Variants in NCOA6 observed in about 807,000 individuals in gnomAD.
The protein encoded by NCOA6 is NRC RAP250.
Under a neutral mutation model 171.4 loss-of-function variants are expected in NCOA6, and 49 were observed. The observed-to-expected ratio is 0.29, with a 90% CI of 0.23 to 0.36. NCOA6 has a LOEUF of 0.36. Ranked by LOEUF, NCOA6 falls within the 10% of genes least tolerant of loss-of-function variation. The probability of loss-of-function intolerance (pLI) is 1.00; values close to 1 mark genes in which losing one functional copy is unlikely to be tolerated. For missense variants in NCOA6, 2,248 were observed against 2,554.5 expected (o/e 0.88, Z 2.59); for synonymous variants, 910 against 927.5 (o/e 0.98, Z 0.34).
rs761459718 is a variant in NCOA6 at position 34,742,902 on chromosome 20, C to T, written c.3354G>A (p.Pro1118=). 5.0e-5 allele frequency: 81 copies of T among 1,614,050 alleles called. No homozygotes were observed. Among genetic ancestry groups the T allele is most frequent in the Non-Finnish European group, 6.5e-5 (77 of 1,180,030 alleles). Residue 1118 remains proline, a synonymous_variant, in exon 11 of 15, where the codon CCG becomes CCA. Coordinates refer to ENST00000359003, the MANE Select transcript of NCOA6 (RefSeq NM_014071.5). The part of the protein sequence containing the change: ...NSRKMVYQES[P]QNPSSSPLAE... ...CCAGTGGCGAGCTGGAAGGATTCTG[C>T]GGGCTCTCCTGATAGACCATTTTCC...
chr20:34,782,286 A>T lies in NCOA6; in HGVS notation c.70T>A (p.Ser24Thr), dbSNP rs200109693. Residue 24 changes from serine (S) to threonine (T), a missense_variant, in exon 3 of 15, where the codon TCA (serine) becomes ACA (threonine). Physicochemically the swap from Ser to Thr is moderately conservative, Grantham distance 58. Coordinates refer to ENST00000359003, the MANE Select transcript of NCOA6 (RefSeq NM_014071.5). ...AGTCCAGAGTCAAAATCCATCTCTG[A>T]GTCTTCCATTGTTGATGAACACAAG... ...TSLCSSTMED[S>T]EMDFDSGLED... 198 of 1,613,060 alleles carry T rather than the reference A, an allele frequency of 1.2e-4. No individual in the cohort carries two copies. In the East Asian group the frequency reaches 3.6e-3, roughly 30 times the overall value.
At chr20:34,790,590 C>T (rs1183226130) in intron 2 of NCOA6, among the ~76,000 whole-genome samples, 2 of 152,188 alleles carry the variant, frequency 1.3e-5, no homozygotes, top group Admixed American at 6.5e-5. Context: ...CTCCTGACCT[C>T]GTGATGTACC....
Position 34,746,930 on chromosome 20 carries a change from T to TTAA in NCOA6, c.2793-3_2793-2insTTA. The TTAA allele has an allele frequency of 2.6e-6, 3 of 1,138,196 alleles. No individual in the cohort carries two copies. The highest frequency in any genetic ancestry group is 3.3e-5 in the East Asian group (1 of 29,972). The allele number at this position is 1,138,196 out of a possible 1,614,324, so 70.5% of individuals were successfully genotyped here. ...CCAGCTGGGCGAGTATCTGGGGTGC[T>TTAA]AAAAAAAAAAAAAAAAAAAAAAGTG... On this transcript the variant is annotated splice_polypyrimidine_tract_variant and splice_region_variant and intron_variant, in intron 9 of 14. Coordinates refer to ENST00000359003, the MANE Select transcript of NCOA6 (RefSeq NM_014071.5).
intron 2 of NCOA6, among the ~76,000 whole-genome samples, chr20:34,790,737 C>T (rs774360207): frequency 6.6e-6 from 1 of 152,054 alleles, no homozygotes. Context: ...GCAACCTCTG[C>T]CTCCCAGGTT....
chr20:34,756,002 G>A (rs1236332865), intron 7 of NCOA6, among the ~76,000 whole-genome samples: 1 of 152,196 alleles, frequency 6.6e-6, no homozygotes, highest in Non-Finnish European at 1.5e-5. Context: ...CTCCCAAAGT[G>A]CTGGGATTAC....
At chr20:34,821,683 G>A (rs998269704) in intron 1 of NCOA6, 3 of 151,822 alleles carry the variant, frequency 2.0e-5, no homozygotes, top group African/African-American at 4.8e-5. Context: ...CGCCTCCCGG[G>A]TTCACACCAT....
intron 4 of NCOA6, among the ~76,000 whole-genome samples, chr20:34,773,860 G>T (rs2077227726): frequency 6.6e-6 from 1 of 152,090 alleles, no homozygotes; most frequent in Non-Finnish European, 1.5e-5. Flanking sequence ...CAACAGCCCA[G>T]TTCCACAAAA....
intron 10 of NCOA6, among the ~76,000 whole-genome samples, chr20:34,746,293 G>A (rs1043014550): frequency 4.0e-5 from 6 of 150,388 alleles, no homozygotes; most frequent in Non-Finnish European, 8.9e-5. Flanking sequence ...AGGCTGGAGT[G>A]CAGTGGCATG....
chr20:34,715,547 G>A (rs1415057404), intron 14 of NCOA6, among the ~76,000 whole-genome samples, 182 bp from the exon 15 acceptor site: 1 of 152,316 alleles, frequency 6.6e-6, no homozygotes, highest in East Asian at 1.9e-4. Context: ...GGAAGAGGGT[G>A]TGGTCCTGCA....
intron 14 of NCOA6, among the ~76,000 whole-genome samples, chr20:34,720,487 G>A (rs754829061): frequency 2.6e-5 from 4 of 152,188 alleles, no homozygotes; most frequent in Non-Finnish European, 4.4e-5. Flanking sequence ...AAGCAAACTC[G>A]GCTCTCGCAG....
chr20:34,764,032 C>T (rs755320398), intron 5 of NCOA6, among the ~76,000 whole-genome samples: 37 of 141,804 alleles, frequency 2.6e-4, no homozygotes, highest in Non-Finnish European at 3.6e-4. Flanking sequence ...TTTTTTTGCC[C>T]TAGGGAGTTC....
At position 34,750,311 on chromosome 20, in the gene NCOA6, G is replaced by C. The variant is rs61736332; in HGVS notation, c.1884C>G (p.Ile628Met). The change falls in exon 9 of 15, where the codon ATC becomes ATG. Residue 628 changes from isoleucine to methionine, a missense_variant. Coordinates refer to ENST00000359003, the MANE Select transcript of NCOA6 (RefSeq NM_014071.5). Reference protein sequence around the residue: ...PSQLMGMHQQIVPSQGQMVQQ... With the variant: ...PSQLMGMHQQMVPSQGQMVQQ... ...GGACCATCTGGCCCTGGGAGGGCAC[G>C]ATTTGCTGGTGCATGCCCATCAGCT... The C allele has an allele frequency of 1.9e-6, 3 of 1,613,514 alleles. No individual in the cohort carries two copies. The highest frequency in any genetic ancestry group is 2.5e-6 in the Non-Finnish European group (3 of 1,179,702).
chr20:34,772,115 C>T (rs1247368656), intron 4 of NCOA6, among the ~76,000 whole-genome samples: 3 of 152,048 alleles, frequency 2.0e-5, no homozygotes, highest in African/African-American at 7.2e-5. Flanking sequence ...TGCTTCAGAC[C>T]AGGAGTTCAA....
At chr20:34,792,601 A>G in intron 1 of NCOA6, 38 bp from the exon 2 acceptor site, 3 of 398,544 alleles carry the variant, frequency 7.5e-6, no homozygotes, top group Admixed American at 4.4e-5. Flanking sequence ...AAAAAGAGAG[A>G]GAGAGATAAA....
rs1039064645 is a variant in NCOA6, at chr20:34,815,684, T to C, written c.-164+9788A>G. ...TTGAATGGAGACCCTGAAAAGCTGATGTATCTCTCAATGCCCACAGATGAC... is the reference window on the plus strand; with the variant it reads ...TTGAATGGAGACCCTGAAAAGCTGACGTATCTCTCAATGCCCACAGATGAC... On this transcript the variant is annotated intron_variant, in intron 1 of 14. Transcript: ENST00000359003. 2.6e-5 allele frequency among the ~76,000 whole-genome samples: 4 copies of C among 152,170 alleles called. No homozygotes were observed. In the East Asian group the frequency reaches 7.7e-4, roughly 29 times the overall value.
At chr20:34,721,552 T>C (rs1470070896) in intron 14 of NCOA6, among the ~76,000 whole-genome samples, 1 of 152,152 alleles carries the variant, frequency 6.6e-6, no homozygotes, top group Non-Finnish European at 1.5e-5. Context: ...TAGATTCTTA[T>C]AAGGACTACA....
chr20:34,803,717 CG>C (rs2078336619), intron 1 of NCOA6, among the ~76,000 whole-genome samples: 1 of 152,054 alleles, frequency 6.6e-6, no homozygotes, highest in Non-Finnish European at 1.5e-5. Context: ...TCATCACTGA[CG>C]GGTGCAGAGG....
At chr20:34,813,309 T>C (rs993792156) in intron 1 of NCOA6, among the ~76,000 whole-genome samples, 2 of 149,132 alleles carry the variant, frequency 1.3e-5, no homozygotes, top group African/African-American at 5.0e-5. Flanking sequence ...CTACTGAAAA[T>C]ATAAAAATTA....
chr20:34,782,937 T>C (rs2077552518), intron 2 of NCOA6, among the ~76,000 whole-genome samples: 1 of 152,188 alleles, frequency 6.6e-6, no homozygotes, highest in East Asian at 1.9e-4. Context: ...AAAGGGTTAT[T>C]AACAGTGGAA....
Sources: gnomAD v4.1 joint callset for allele counts (sites outside exome capture counted in the v4.1 genomes callset) on GRCh38, gnomAD v4.1.1 for gene constraint, MANE v1.5 for transcripts, NCBI Gene and HGNC (gene_info 2026-07-23, HGNC 2026-07-21) for gene names.